CHD1: variants seen among roughly 807,000 people sequenced by gnomAD.
The protein encoded by CHD1 is chromodomain helicase DNA binding protein 1.
Under a neutral mutation model 224.2 loss-of-function variants are expected in CHD1, and 36 were observed. The ratio of observed to expected loss-of-function variants is 0.16; its 90% confidence interval spans 0.12 to 0.21. The LOEUF (loss-of-function observed/expected upper bound fraction) is 0.21, where lower values mean the gene tolerates loss of function less well. Among genes scored for constraint, CHD1 ranks in the 10% least tolerant of loss-of-function variants. The pLI is 1.00. For synonymous variants in CHD1, 668 were observed against 658.3 expected, an observed-to-expected ratio of 1.01 and a Z score of -0.23; for missense variants, 1,378 against 1,994.8, an observed-to-expected ratio of 0.69 and a Z score of 5.89.
chr5:98,896,791 TA>T (rs34014975), intron 11 of CHD1, among the ~76,000 whole-genome samples: 1 of 145,064 alleles, frequency 6.9e-6, no homozygotes. Flanking sequence ...GAACACAGAT[TA>T]AAAAAAAAAA....
chr5:98,876,421 T>C lies in CHD1; in HGVS notation c.3375A>G (p.Gly1125=). ...ACCGCCTAATTTCTGCATCACTAAA[T>C]CCTTTAATATTCTCCCGAGGAATAG... The part of the protein sequence containing the change: ...PRTIPRENIK[G]FSDAEIRRFI... The change falls in exon 24 of 36, where the codon GGA becomes GGG. Residue 1125 remains glycine, a synonymous_variant. Coordinates refer to ENST00000614616, the MANE Select transcript of CHD1 (RefSeq NM_001270.4). 1 of 1,613,974 alleles carries C rather than the reference T, an allele frequency of 6.2e-7. No individual in the cohort carries two copies. Among genetic ancestry groups the C allele is most frequent in the Non-Finnish European group, 8.5e-7 (1 of 1,179,878 alleles).
At chr5:98,872,300 C>G (rs988203853) in intron 27 of CHD1, 99 bp from the exon 28 acceptor site, 1 of 1,449,838 alleles carries the variant, frequency 6.9e-7, no homozygotes, top group African/African-American at 1.4e-5. Flanking sequence ...AAATAATATG[C>G]TTTATTTCTT....
rs762610109 is a variant in CHD1, at chr5:98,858,437, GC to G, written c.4577-48del. On this transcript the variant is annotated intron_variant, in intron 34 of 35. Coordinates refer to ENST00000614616, the MANE Select transcript of CHD1 (RefSeq NM_001270.4). ...TATTAATGACCTTAAAAATAATGTG[GC>G]AAAAAAAACTTAGTTGATAGATAAC... The G allele has an allele frequency of 3.3e-6, 5 of 1,502,502 alleles. No homozygotes were observed. In the African/African-American group the frequency reaches 7.0e-5, roughly 21 times the overall value. 93.1% of individuals were successfully genotyped at this position (1,502,502 alleles called of 1,614,324 possible).
rs769793479 is a variant in CHD1 at position 98,892,503 on chromosome 5, CTG to C, written c.2180+20_2180+21del. The C allele has an allele frequency of 1.3e-6, 2 of 1,575,092 alleles. No homozygotes were observed. Among genetic ancestry groups the C allele is most frequent in the Admixed American group, 1.7e-5 (1 of 57,586 alleles). On this transcript the variant is annotated intron_variant, in intron 15 of 35. Coordinates refer to ENST00000614616, the MANE Select transcript of CHD1 (RefSeq NM_001270.4). Reference sequence around the variant, plus strand: ...GGTTTTCAGAATTAGAAGTTCAGAACTGTGTTCTGTGTACAGCTTACTTGTAA... The same window carrying C: ...GGTTTTCAGAATTAGAAGTTCAGAACTGTTCTGTGTACAGCTTACTTGTAA...
chr5:98,856,192 T>C lies in CHD1; in HGVS notation c.*188A>G. 3.6e-6 allele frequency: 2 copies of C among 554,596 alleles called. No individual in the cohort carries two copies. Among genetic ancestry groups the C allele is most frequent in the Non-Finnish European group, 6.5e-6 (2 of 309,556 alleles). 34.4% of individuals were successfully genotyped at this position (554,596 alleles called of 1,614,324 possible). A position where few individuals can be genotyped will look rare whatever the true frequency, so the allele number is the denominator to read the frequency against. On this transcript the variant is annotated 3_prime_UTR_variant, in exon 36 of 36. Coordinates refer to ENST00000614616, the MANE Select transcript of CHD1 (RefSeq NM_001270.4). ...TACAATTTTGTAGTACAGTGCAGCA[T>C]AATCCTTAAATATAAAAATATTTTC...
At position 98,864,854 on chromosome 5, in the gene CHD1, A is replaced by C. The variant is rs574965801; in HGVS notation, c.4249-1268T>G. Among the ~76,000 whole-genome samples, 15 of 152,202 alleles carry C rather than the reference A, an allele frequency of 9.9e-5. No individual in the cohort carries two copies. The East Asian group carries it at 2.7e-3, about 27-fold the overall frequency. On this transcript the variant is annotated intron_variant, in intron 31 of 35. Coordinates refer to ENST00000614616, the MANE Select transcript of CHD1 (RefSeq NM_001270.4). ...CTTTTATGTTTCCTATTTTTTGTTC[A>C]ACTTTGGCAGTTTATATTCTGTTAG...
rs1163694629 is a variant in CHD1, at chr5:98,854,402, C to G, written c.*1978G>C. On this transcript the variant is annotated 3_prime_UTR_variant, in exon 36 of 36. Transcript: ENST00000614616. ...GTAATAAATTAAAAAATGCCAGCCA[C>G]CATCTTATGACTTAAGCATTATGAA... is the stretch of plus-strand genomic sequence containing the variant. 1 of 151,960 alleles carries G rather than the reference C, an allele frequency of 6.6e-6. No homozygotes were observed. Among genetic ancestry groups the G allele is most frequent in the Non-Finnish European group, 1.5e-5 (1 of 67,942 alleles). 9.4% of individuals were successfully genotyped at this position (151,960 alleles called of 1,614,324 possible).
chr5:98,873,317 A>G (rs542887818), intron 26 of CHD1, among the ~76,000 whole-genome samples: 12 of 152,182 alleles, frequency 7.9e-5, no homozygotes, highest in African/African-American at 1.7e-4. Context: ...ATATACACAT[A>G]TATCTATGAA....
chr5:98,908,122 A>C (rs1752166140), intron 2 of CHD1, among the ~76,000 whole-genome samples: 1 of 152,106 alleles, frequency 6.6e-6, no homozygotes, highest in Non-Finnish European at 1.5e-5. Flanking sequence ...ATCTCTCTCT[A>C]ATTCTCCAAT....
At chr5:98,862,745 C>T (rs1748573821) in intron 32 of CHD1, among the ~76,000 whole-genome samples, 1 of 152,104 alleles carries the variant, frequency 6.6e-6, no homozygotes, top group Non-Finnish European at 1.5e-5. Context: ...GAAGATACAA[C>T]TAAGTATTTT....
At chr5:98,866,178 G>A (rs1748851108) in intron 31 of CHD1, among the ~76,000 whole-genome samples, 1 of 143,084 alleles carries the variant, frequency 7.0e-6, no homozygotes, top group African/African-American at 2.9e-5. Context: ...AGAAATTCCA[G>A]CCTGTGAACC....
rs372591440 is a variant in CHD1, at chr5:98,873,627, T to C, written c.3537A>G (p.Ala1179=). The change falls in exon 26 of 36, where the codon GCA becomes GCG. Residue 1179 remains alanine (A), a synonymous_variant. Transcript: ENST00000614616. ...GELVHNGCIK[A]LKDSSSGTER... ...CTGTTCCTGAAGAACTATCCTTTAA[T>C]GCTTTAATGCAACCATTATGTACCA... 1 of 1,607,906 alleles carries C rather than the reference T, an allele frequency of 6.2e-7. No individual in the cohort carries two copies. The highest frequency in any genetic ancestry group is 2.3e-5 in the East Asian group (1 of 44,444).
At chr5:98,897,963 A>C (rs2112503322) in intron 10 of CHD1, among the ~76,000 whole-genome samples, 1 of 152,246 alleles carries the variant, frequency 6.6e-6, no homozygotes. Flanking sequence ...TAACCAACTC[A>C]TCTTTCTGAC....
chr5:98,868,398 A>G (rs1391526820), intron 31 of CHD1, 97 bp downstream of exon 31: 11 of 1,054,112 alleles, frequency 1.0e-5, no homozygotes, highest in Middle Eastern at 4.4e-4. Context: ...ATCTACAATA[A>G]ATTCAAATGC....
chr5:98,915,398 G>A (rs1169608315), intron 2 of CHD1, among the ~76,000 whole-genome samples: 1 of 152,180 alleles, frequency 6.6e-6, no homozygotes, highest in African/African-American at 2.4e-5. Flanking sequence ...TAAAAGTGGA[G>A]AGATACTAGG....
At chr5:98,924,272 A>T (rs1251210376) in intron 2 of CHD1, among the ~76,000 whole-genome samples, 1 of 152,170 alleles carries the variant, frequency 6.6e-6, no homozygotes, top group Non-Finnish European at 1.5e-5. Flanking sequence ...AAAGAAAAAA[A>T]AAATTGTGGG....
intron 2 of CHD1, among the ~76,000 whole-genome samples, chr5:98,921,545 T>A (rs1185410729): frequency 6.6e-6 from 1 of 152,188 alleles, no homozygotes; most frequent in Non-Finnish European, 1.5e-5. Context: ...CCACAACTGG[T>A]GCAACTTTTC....
At chr5:98,921,751 CTACA>C (rs1180167003) in intron 2 of CHD1, among the ~76,000 whole-genome samples, 4 of 152,164 alleles carry the variant, frequency 2.6e-5, no homozygotes, top group African/African-American at 9.7e-5. Flanking sequence ...CACATTATGA[CTACA>C]TACAGAAAAG....
chr5:98,897,933 A>C (rs1347229149), intron 10 of CHD1, among the ~76,000 whole-genome samples: 1 of 152,020 alleles, frequency 6.6e-6, no homozygotes, highest in Non-Finnish European at 1.5e-5. Context: ...TATTCTCCCA[A>C]CCCTTCCTGA....
Sources: allele counts gnomAD v4.1 joint callset (sites outside exome capture counted in the v4.1 genomes callset), GRCh38; gene constraint gnomAD v4.1.1; transcripts MANE v1.5; gene names NCBI Gene and HGNC (gene_info 2026-07-23, HGNC 2026-07-21).